The following KYNU variants were observed in gnomAD, a reference collection of about 807,000 sequenced individuals.
KYNU encodes the protein kynureninase, also known as L-kynurenine hydrolase.
KYNU carries 54 observed loss-of-function variants against 59.2 expected under a neutral mutation model. The observed-to-expected ratio is 0.91, with a 90% CI of 0.73 to 1.14. The LOEUF is 1.14. Ranked by LOEUF, KYNU falls within the 50% of genes most tolerant of loss-of-function variation. The pLI is 0.00. For synonymous variants in KYNU, 177 were observed against 192.0 expected, an observed-to-expected ratio of 0.92 and a Z score of 0.65; for missense variants, 567 against 554.4, an observed-to-expected ratio of 1.02 and a Z score of -0.23.
intron 2 of KYNU, among the ~76,000 whole-genome samples, chr2:142,914,965 T>C (rs1028842145): frequency 5.9e-5 from 9 of 152,180 alleles, no homozygotes; most frequent in Admixed American, 5.2e-4. Context: ...GCTTTCCTGT[T>C]AGACAAGAAA....
intron 8 of KYNU, among the ~76,000 whole-genome samples, chr2:142,963,026 A>G (rs1284318764): frequency 6.6e-6 from 1 of 152,224 alleles, no homozygotes; most frequent in Non-Finnish European, 1.5e-5. Context: ...CGTTTTCAGA[A>G]ATAAAGCATG....
At chr2:142,978,419 G>A (rs948053547) in intron 8 of KYNU, among the ~76,000 whole-genome samples, 24 of 152,116 alleles carry the variant, frequency 1.6e-4, no homozygotes, top group African/African-American at 5.6e-4. Context: ...TGATTGGTAT[G>A]GTATAGAAGC....
intron 10 of KYNU, among the ~76,000 whole-genome samples, chr2:143,005,095 T>C (rs1371776816): frequency 1.3e-5 from 2 of 152,084 alleles, no homozygotes; most frequent in Non-Finnish European, 1.5e-5. Context: ...TTTCCCCATG[T>C]TGGATGGAAA....
intron 10 of KYNU, among the ~76,000 whole-genome samples, chr2:143,016,710 C>T (rs1265955235): frequency 1.3e-5 from 2 of 152,032 alleles, no homozygotes. Context: ...TGGTTTAGTT[C>T]CAGTTTGTTT....
At chr2:142,971,677 C>A (rs1684728948) in intron 8 of KYNU, among the ~76,000 whole-genome samples, 1 of 152,144 alleles carries the variant, frequency 6.6e-6, no homozygotes, top group Admixed American at 6.6e-5. Context: ...TGCACATAGT[C>A]TTTCATCATT....
intron 1 of KYNU, among the ~76,000 whole-genome samples, chr2:142,878,998 T>C (rs1266557338): frequency 6.6e-6 from 1 of 152,234 alleles, no homozygotes; most frequent in Non-Finnish European, 1.5e-5. Context: ...AAATTAACAC[T>C]AAATATGTAA....
At position 142,893,689 on chromosome 2, in the gene KYNU, T is replaced by C. The variant is rs139698046; in HGVS notation, c.169+8153T>C. Among the ~76,000 whole-genome samples, 463 of 152,216 alleles carry C rather than the reference T, an allele frequency of 3.0e-3. 2 individuals are homozygous for C. The highest frequency in any genetic ancestry group is 1.0e-2 in the African/African-American group (414 of 41,534). On this transcript the variant is annotated intron_variant, in intron 2 of 13. Coordinates refer to ENST00000264170, the MANE Select transcript of KYNU (RefSeq NM_003937.3). ...GAAAAAAAAGAGACAGACAGACAGA[T>C]AACAGAGGTGAATGTGATTTTCAGC...
chr2:142,899,693 T>A (rs769389147), intron 2 of KYNU, among the ~76,000 whole-genome samples: 28 of 152,182 alleles, frequency 1.8e-4, no homozygotes, highest in Non-Finnish European at 1.9e-4. Flanking sequence ...GTCATGCATC[T>A]GGGGCTCCAT....
intron 3 of KYNU, among the ~76,000 whole-genome samples, chr2:142,923,427 T>C (rs980598122): frequency 1.3e-5 from 2 of 152,202 alleles, no homozygotes; most frequent in Non-Finnish European, 2.9e-5. Context: ...TTATATTTAT[T>C]TGATACTTAA....
At position 142,956,237 on chromosome 2, in the gene KYNU, A is replaced by T. The variant is rs966535456; in HGVS notation, c.470A>T (p.Lys157Ile). Reference protein sequence around the residue: ...SFFKPTPKRYKILLEAKAFPS... With the variant: ...SFFKPTPKRYIILLEAKAFPS... Reference sequence around the variant, plus strand: ...TTTAAGCCTACGCCAAAACGATATAAAATTCTTCTAGAAGCCAAAGCCTTC... The same window carrying T: ...TTTAAGCCTACGCCAAAACGATATATAATTCTTCTAGAAGCCAAAGCCTTC... The change falls in exon 6 of 14, where the codon AAA (lysine) becomes ATA (isoleucine). Residue 157 changes from lysine to isoleucine, a missense_variant. Transcript: ENST00000264170. The T allele has an allele frequency of 6.2e-7, 1 of 1,604,876 alleles. No individual in the cohort carries two copies. The highest frequency in any genetic ancestry group is 8.5e-7 in the Non-Finnish European group (1 of 1,172,318).
intron 3 of KYNU, among the ~76,000 whole-genome samples, chr2:142,922,847 C>T (rs780647429): frequency 6.6e-6 from 1 of 152,184 alleles, no homozygotes; most frequent in Non-Finnish European, 1.5e-5. Flanking sequence ...CGCTGCTATA[C>T]AAAATACCTG....
At position 143,053,823 on chromosome 2, in the gene KYNU, T is replaced by C. The variant is rs1283864059; in HGVS notation, c.*11651T>C. ...GGGAAAACGGATTAATATACTAATT[T>C]ATAGCTAGTAGGTAAAAAGCCAGGG... On this transcript the variant is annotated 3_prime_UTR_variant, in exon 14 of 14. Transcript: ENST00000264170. 1 of 152,238 alleles carries C rather than the reference T, an allele frequency of 6.6e-6. No individual in the cohort carries two copies. The highest frequency in any genetic ancestry group is 1.5e-5 in the Non-Finnish European group (1 of 68,086). 9.4% of individuals were successfully genotyped at this position (152,238 alleles called of 1,614,324 possible). A position where few individuals can be genotyped will look rare whatever the true frequency, so the allele number is the denominator to read the frequency against.
chr2:142,988,216 A>G (rs756918117), intron 10 of KYNU, among the ~76,000 whole-genome samples: 8 of 151,906 alleles, frequency 5.3e-5, no homozygotes, highest in Non-Finnish European at 1.0e-4. Context: ...ACCCTAGCCC[A>G]AGTATTGTTT....
chr2:142,949,093 T>C (rs1369415894), intron 4 of KYNU, among the ~76,000 whole-genome samples: 1 of 152,206 alleles, frequency 6.6e-6, no homozygotes, highest in African/African-American at 2.4e-5. Flanking sequence ...TGATCTTTGA[T>C]TCCATGTCTC....
At chr2:142,983,746 A>G (rs181760328) in intron 8 of KYNU, among the ~76,000 whole-genome samples, 1 of 152,210 alleles carries the variant, frequency 6.6e-6, no homozygotes, top group East Asian at 1.9e-4. Flanking sequence ...AAATGTATTT[A>G]TTTGTTTTAG....
rs868723508 is a variant in KYNU at position 142,998,208 on chromosome 2, G to A, written c.902+12187G>A. Reference sequence around the variant, plus strand: ...ATTTGAATTTCTAGTCCAAGCACAAGGAGATTGTATCTTAATTGTTATTGT... The same window carrying A: ...ATTTGAATTTCTAGTCCAAGCACAAAGAGATTGTATCTTAATTGTTATTGT... On this transcript the variant is annotated intron_variant, in intron 10 of 13. Transcript: ENST00000264170. 2.0e-5 allele frequency among the ~76,000 whole-genome samples: 3 copies of A among 152,096 alleles called. No homozygotes were observed. The South Asian group carries it at 6.2e-4, about 32-fold the overall frequency.
At chr2:142,946,978 A>C in intron 4 of KYNU, 1 of 1,446,614 alleles carries the variant, frequency 6.9e-7, no homozygotes, top group Non-Finnish European at 9.3e-7. Context: ...TTGTATTTCA[A>C]ATAGCCAACT....
intron 2 of KYNU, among the ~76,000 whole-genome samples, chr2:142,886,611 G>A (rs1681522928): frequency 2.0e-5 from 3 of 152,102 alleles, no homozygotes; most frequent in Admixed American, 2.0e-4. Context: ...TTCTAGAATC[G>A]AAAATTAAAA....
chr2:142,915,878 A>T (rs1044902052), intron 2 of KYNU, among the ~76,000 whole-genome samples: 1 of 152,210 alleles, frequency 6.6e-6, no homozygotes, highest in African/African-American at 2.4e-5. Flanking sequence ...CTGTCCTTAC[A>T]GAAATAATCA....
Sources: gnomAD v4.1 joint callset for allele counts (sites outside exome capture counted in the v4.1 genomes callset) on GRCh38, gnomAD v4.1.1 for gene constraint, MANE v1.5 for transcripts, NCBI Gene and HGNC (gene_info 2026-07-23, HGNC 2026-07-21) for gene names.